NTM: variants seen among roughly 807,000 people sequenced by gnomAD.
NTM encodes neurotrimin.
NTM carries 13 observed loss-of-function variants against 42.1 expected under a neutral mutation model. The ratio of observed to expected loss-of-function variants is 0.31; its 90% CI spans 0.20 to 0.49. The LOEUF (loss-of-function observed/expected upper bound fraction) is 0.49. Ranked by LOEUF, NTM falls within the 20% of genes least tolerant of loss-of-function variation. The pLI is 0.99. For missense variants in NTM, 373 were observed against 452.8 expected (o/e 0.82, Z 1.60); for synonymous variants, 187 against 179.2 (o/e 1.04, Z -0.35).
intron 2 of NTM, among the ~76,000 whole-genome samples, chr11:132,035,984 C>T (rs369971275): frequency 3.3e-5 from 5 of 152,076 alleles, no homozygotes; most frequent in South Asian, 2.1e-4. Context: ...TGCATCATTA[C>T]GCGGGGGTGA....
At chr11:131,702,470 G>A (rs1224702676) in intron 1 of NTM, among the ~76,000 whole-genome samples, 1 of 152,070 alleles carries the variant, frequency 6.6e-6, no homozygotes, top group African/African-American at 2.4e-5. Context: ...CTTGTCCAAG[G>A]TCACACAACG....
chr11:131,796,076 A>T, intron 1 of NTM: 1 of 985,394 alleles, frequency 1.0e-6, no homozygotes, highest in African/African-American at 1.7e-5. Flanking sequence ...GGAAAGCGTA[A>T]CTCACACTAG....
intron 1 of NTM, among the ~76,000 whole-genome samples, chr11:131,585,988 T>C (rs2058822882): frequency 6.6e-6 from 1 of 152,274 alleles, no homozygotes; most frequent in Non-Finnish European, 1.5e-5. Context: ...TTTACAACTG[T>C]TGAGCACAGA....
At chr11:131,609,489 T>A (rs565548254) in intron 1 of NTM, among the ~76,000 whole-genome samples, 48 of 152,350 alleles carry the variant, frequency 3.2e-4, no homozygotes, top group African/African-American at 1.2e-3. Flanking sequence ...TCCCCATGTC[T>A]GCTTTCATGC....
intron 2 of NTM, among the ~76,000 whole-genome samples, chr11:132,049,553 T>C (rs191095429): frequency 9.6e-4 from 146 of 152,318 alleles, no homozygotes; most frequent in African/African-American, 3.3e-3. Context: ...GCAGGGGTTG[T>C]CAGTGAGAGG....
chr11:131,379,900 C>G (rs1047631432), intron 1 of NTM, among the ~76,000 whole-genome samples: 1 of 152,134 alleles, frequency 6.6e-6, no homozygotes, highest in South Asian at 2.1e-4. Context: ...CCCAGTATGT[C>G]CTGGTAGCCC....
intron 1 of NTM, among the ~76,000 whole-genome samples, chr11:131,612,402 G>A (rs1480262625): frequency 6.6e-6 from 1 of 152,240 alleles, no homozygotes; most frequent in Non-Finnish European, 1.5e-5. Context: ...TCCACAAAAT[G>A]TACTAGAACT....
intron 1 of NTM, among the ~76,000 whole-genome samples, chr11:131,668,100 A>G (rs1185883625): frequency 6.6e-6 from 1 of 152,188 alleles, no homozygotes; most frequent in African/African-American, 2.4e-5. Flanking sequence ...AAGGCCTTGC[A>G]ACTCACATGA....
intron 1 of NTM, among the ~76,000 whole-genome samples, chr11:131,656,656 G>T (rs2067221750): frequency 6.6e-6 from 1 of 152,186 alleles, no homozygotes; most frequent in African/African-American, 2.4e-5. Flanking sequence ...AAAGGAGGAG[G>T]GCGGGGCATA....
At chr11:131,896,287 CTATA>C (rs989109639) in intron 1 of NTM, among the ~76,000 whole-genome samples, 2 of 152,056 alleles carry the variant, frequency 1.3e-5, no homozygotes, top group African/African-American at 4.8e-5. Flanking sequence ...AAAAAATGAC[CTATA>C]TAAAGTCTGA....
Position 131,457,456 on chromosome 11 carries a change from C to A in NTM, c.82+86568C>A, listed in dbSNP as rs1004598774. 2.6e-5 allele frequency among the ~76,000 whole-genome samples: 4 copies of A among 152,030 alleles called. No individual in the cohort carries two copies. In the East Asian group the frequency reaches 7.7e-4, roughly 29 times the overall value. On this transcript the variant is annotated intron_variant, in intron 1 of 8. Transcript: ENST00000683400. ...AGAGGCTGGCAGAGAGAGACTTTGG[C>A]CAGCCACGAAGAAGCATTTGTATCT... is the stretch of plus-strand genomic sequence containing the variant.
chr11:131,543,136 C>G (rs1255166751), intron 1 of NTM, among the ~76,000 whole-genome samples: 1 of 152,146 alleles, frequency 6.6e-6, no homozygotes, highest in Non-Finnish European at 1.5e-5. Flanking sequence ...TACTTGTGAG[C>G]CAGTTGAAAC....
intron 2 of NTM, among the ~76,000 whole-genome samples, chr11:132,068,263 T>G (rs2056826111): frequency 6.6e-6 from 1 of 152,224 alleles, no homozygotes. Context: ...TTTCCTCAAT[T>G]AATCTATTTT....
At chr11:131,678,612 TAC>T (rs1283613273) in intron 1 of NTM, among the ~76,000 whole-genome samples, 1 of 152,248 alleles carries the variant, frequency 6.6e-6, no homozygotes, top group Non-Finnish European at 1.5e-5. Flanking sequence ...CCAATGCTGC[TAC>T]ATGTCACAGT....
At chr11:132,084,093 T>A (rs1192933732) in intron 2 of NTM, among the ~76,000 whole-genome samples, 1 of 152,172 alleles carries the variant, frequency 6.6e-6, no homozygotes, top group Non-Finnish European at 1.5e-5. Flanking sequence ...AAGTCCTGTA[T>A]GTTTTTCCTT....
At chr11:131,783,616 C>T (rs1437240008) in intron 1 of NTM, among the ~76,000 whole-genome samples, 1 of 151,760 alleles carries the variant, frequency 6.6e-6, no homozygotes, top group Admixed American at 6.6e-5. Flanking sequence ...CCATTCTTAC[C>T]TCATGTCATA....
intron 1 of NTM, among the ~76,000 whole-genome samples, chr11:131,585,308 G>A (rs2058754793): frequency 6.6e-6 from 1 of 152,206 alleles, no homozygotes; most frequent in Admixed American, 6.5e-5. Context: ...TGCTGCCTTG[G>A]CAGCCTTCCT....
chr11:132,149,049 C>G (rs1478572776), intron 3 of NTM, among the ~76,000 whole-genome samples: 1 of 152,112 alleles, frequency 6.6e-6, no homozygotes, highest in Non-Finnish European at 1.5e-5. Flanking sequence ...TACACAGACT[C>G]AGCCCAAGCT....
At chr11:131,593,508 G>T (rs2059562170) in intron 1 of NTM, among the ~76,000 whole-genome samples, 1 of 152,130 alleles carries the variant, frequency 6.6e-6, no homozygotes, top group Non-Finnish European at 1.5e-5. Context: ...AAGTGTAAAG[G>T]CTCCCCTGCC....
Sources: allele counts gnomAD v4.1 joint callset (sites outside exome capture counted in the v4.1 genomes callset), GRCh38; gene constraint gnomAD v4.1.1; transcripts MANE v1.5; gene names NCBI Gene and HGNC (gene_info 2026-07-23, HGNC 2026-07-21).